Variants in SORL1 observed in about 807,000 individuals in gnomAD.
SORL1 encodes the protein sortilin-related receptor.
In SORL1, 127 loss-of-function variants were observed where a neutral mutation model predicts 273.7. The ratio of observed to expected loss-of-function variants is 0.46; its 90% confidence interval spans 0.40 to 0.54. SORL1 has a LOEUF of 0.54. Ranked by LOEUF, SORL1 falls within the 20% of genes least tolerant of loss-of-function variation. SORL1 has a pLI of 0.00. For missense variants in SORL1, 2,494 were observed against 2,846.1 expected (o/e 0.88, Z 2.81); for synonymous variants, 1,031 against 1,067.4 (o/e 0.97, Z 0.66).
Position 121,608,098 on chromosome 11 carries a change from G to T in SORL1, c.5167-6G>T, listed in dbSNP as rs773287734. Reference sequence around the variant, plus strand: ...TTCATATTAATTCACCCTCTGATTTGAAAAGGTGGCTGCGGTGACTAGTCG... The same window carrying T: ...TTCATATTAATTCACCCTCTGATTTTAAAAGGTGGCTGCGGTGACTAGTCG... On this transcript the variant is annotated splice_polypyrimidine_tract_variant and splice_region_variant and intron_variant, in intron 37 of 47. Coordinates refer to ENST00000260197, the MANE Select transcript of SORL1 (RefSeq NM_003105.6). The T allele has an allele frequency of 1.2e-5, 20 of 1,612,376 alleles. No individual in the cohort carries two copies. The highest frequency in any genetic ancestry group is 3.3e-5 in the Admixed American group (2 of 60,024).
At chr11:121,557,479 T>C (rs762076462) in intron 19 of SORL1, 74 bp downstream of exon 19, 41 of 1,144,124 alleles carry the variant, frequency 3.6e-5, no homozygotes, top group African/African-American at 4.6e-5. Context: ...AAACACAGAC[T>C]GCGGGACAAA....
At position 121,595,608 on chromosome 11, in the gene SORL1, A is replaced by C. The variant is rs1175393791; in HGVS notation, c.4370-15A>C. 1.9e-6 allele frequency: 3 copies of C among 1,553,248 alleles called. No individual in the cohort carries two copies. The highest frequency in any genetic ancestry group is 1.9e-5 in the Admixed American group (1 of 51,338). Reference sequence around the variant, plus strand: ...TCAATATTAAAAAGTAAATTTTAAAAATCTTTTATTTTAGCAAACGTCACT... The same window carrying C: ...TCAATATTAAAAAGTAAATTTTAAACATCTTTTATTTTAGCAAACGTCACT... On this transcript the variant is annotated splice_polypyrimidine_tract_variant and intron_variant, in intron 31 of 47. Coordinates refer to ENST00000260197, the MANE Select transcript of SORL1 (RefSeq NM_003105.6). This position sits in a 1 kb window ranked among gnomAD's most constrained non-coding sequence, Gnocchi z 5.1.
At chr11:121,594,088 G>A (rs770906955) in intron 31 of SORL1, among the ~76,000 whole-genome samples, 5 of 149,340 alleles carry the variant, frequency 3.3e-5, no homozygotes, top group South Asian at 2.2e-4. Context: ...GCAGCTTTTC[G>A]GAAATCCAAA....
intron 18 of SORL1, among the ~76,000 whole-genome samples, 179 bp downstream of exon 18, chr11:121,555,497 G>A (rs1291472664): frequency 5.9e-5 from 9 of 152,188 alleles, no homozygotes; most frequent in Non-Finnish European, 7.3e-5. Context: ...GTAAGTACCT[G>A]TGAGTTGATC....
intron 6 of SORL1, among the ~76,000 whole-genome samples, chr11:121,502,610 T>C (rs775339875): frequency 6.6e-6 from 1 of 152,220 alleles, no homozygotes; most frequent in Admixed American, 6.5e-5. Flanking sequence ...TGGTATCTTA[T>C]GGTTTTCATT....
chr11:121,544,883 C>T (rs1473831762), intron 13 of SORL1, among the ~76,000 whole-genome samples: 1 of 152,184 alleles, frequency 6.6e-6, no homozygotes, highest in Non-Finnish European at 1.5e-5. Flanking sequence ...CATTAACCCC[C>T]AATGGTATTG....
intron 20 of SORL1, 64 bp from the exon 21 acceptor site, chr11:121,559,455 C>A (rs1862640114): frequency 5.2e-6 from 8 of 1,548,862 alleles, no homozygotes; most frequent in Non-Finnish European, 8.8e-7. Flanking sequence ...GAACTCTTAC[C>A]CTTAGAGAGA....
intron 32 of SORL1, among the ~76,000 whole-genome samples, chr11:121,599,218 A>C (rs1007987923): frequency 3.9e-5 from 6 of 152,322 alleles, no homozygotes; most frequent in African/African-American, 1.4e-4. Context: ...CTTGTGTATA[A>C]ATCCATATAA....
chr11:121,605,709 G>A (rs975589694), intron 35 of SORL1, 138 bp downstream of exon 35: 4 of 688,444 alleles, frequency 5.8e-6, no homozygotes, highest in Non-Finnish European at 1.0e-5. Context: ...AAGCTTTATA[G>A]TCTTGCCAGA....
At chr11:121,558,513 G>C (rs1282960831) in intron 19 of SORL1, 78 bp from the exon 20 acceptor site, 1 of 1,514,898 alleles carries the variant, frequency 6.6e-7, no homozygotes, top group South Asian at 1.1e-5. Flanking sequence ...AGGAGTTTCT[G>C]ACCTTTTCTG....
At chr11:121,585,493 AT>A (rs1326613956) in intron 26 of SORL1, among the ~76,000 whole-genome samples, 4 of 134,776 alleles carry the variant, frequency 3.0e-5, no homozygotes, top group Non-Finnish European at 6.3e-5. Context: ...AAAAAAAAAA[AT>A]GTATATACAC....
At chr11:121,525,257 C>T (rs180830095) in intron 11 of SORL1, among the ~76,000 whole-genome samples, 19 of 152,354 alleles carry the variant, frequency 1.2e-4, no homozygotes, top group Non-Finnish European at 4.4e-5. Flanking sequence ...TGTCACACAT[C>T]ACGATGATTT....
intron 13 of SORL1, 86 bp downstream of exon 13, chr11:121,543,812 C>A: frequency 7.9e-7 from 1 of 1,263,864 alleles, no homozygotes; most frequent in Non-Finnish European, 1.1e-6. Flanking sequence ...ATACTGTGTA[C>A]TCAGAAGAGC....
At chr11:121,544,608 A>G (rs1862396559) in intron 13 of SORL1, among the ~76,000 whole-genome samples, 1 of 152,248 alleles carries the variant, frequency 6.6e-6, no homozygotes, top group East Asian at 1.9e-4. Context: ...AGCTTCGGGT[A>G]GTATCTAATC....
chr11:121,607,057 G>C, intron 36 of SORL1, 100 bp downstream of exon 36: 2 of 1,047,766 alleles, frequency 1.9e-6, no homozygotes, highest in Non-Finnish European at 1.5e-6. Flanking sequence ...TAGCTTTGTA[G>C]GTGATGACCC....
chr11:121,489,832 G>T (rs183824851), intron 4 of SORL1, among the ~76,000 whole-genome samples: 1 of 152,334 alleles, frequency 6.6e-6, no homozygotes, highest in Admixed American at 6.5e-5. Context: ...TTTCCTTCCA[G>T]TTGCTATTGA....
At chr11:121,548,393 G>A (rs757625137) in intron 14 of SORL1, among the ~76,000 whole-genome samples, 2 of 152,194 alleles carry the variant, frequency 1.3e-5, no homozygotes, top group Non-Finnish European at 2.9e-5. Context: ...CAGTAATAAC[G>A]AACTGAGGTA....
At chr11:121,455,245 T>G (rs1860883833) in intron 1 of SORL1, among the ~76,000 whole-genome samples, 1 of 152,114 alleles carries the variant, frequency 6.6e-6, no homozygotes, top group Admixed American at 6.5e-5. Flanking sequence ...CAGCCACAAC[T>G]CTACAATGGT....
At position 121,605,237 on chromosome 11, in the gene SORL1, C is replaced by T. The variant is rs144431502; in HGVS notation, c.4776C>T (p.Tyr1592=). 12 of 1,608,016 alleles carry T rather than the reference C, an allele frequency of 7.5e-6. No individual in the cohort carries two copies. Among genetic ancestry groups the T allele is most frequent in the Admixed American group, 1.7e-5 (1 of 58,608 alleles). ...CTTCTTGTGTATATAATGTCTACTACAGGTAGGTCCCATCTTTGTCATGGG... is the reference window on the plus strand; with the variant it reads ...CTTCTTGTGTATATAATGTCTACTATAGGTAGGTCCCATCTTTGTCATGGG... ...PSASCVYNVY[Y]RVVGESIWKT... Residue 1592 remains tyrosine (Y), a splice_region_variant and synonymous_variant, in exon 34 of 48, where the codon TAC becomes TAT. Coordinates refer to ENST00000260197, the MANE Select transcript of SORL1 (RefSeq NM_003105.6).
Sources: allele counts gnomAD v4.1 joint callset (sites outside exome capture counted in the v4.1 genomes callset), GRCh38; gene constraint gnomAD v4.1.1; non-coding constraint Gnocchi (gnomAD v3.1); transcripts MANE v1.5; gene names NCBI Gene and HGNC (gene_info 2026-07-23, HGNC 2026-07-21).